Variants in GLIS3 observed in about 807,000 individuals in gnomAD.
GLIS3 encodes the protein zinc finger protein GLIS3.
A neutral mutation model predicts 78.6 loss-of-function variants in GLIS3; 53 were observed. The observed-to-expected ratio is 0.67, with a 90% confidence interval of 0.54 to 0.85. GLIS3 has a LOEUF of 0.85. Ranked by LOEUF, GLIS3 falls within the 40% of genes least tolerant of loss-of-function variation. GLIS3 has a pLI of 0.00. For synonymous variants in GLIS3, 684 were observed against 509.9 expected (o/e 1.34, Z -4.60); for missense variants, 1,703 against 1,231.1 (o/e 1.38, Z -5.74).
At chr9:4,234,910 G>C (rs1204782444) in intron 2 of GLIS3, among the ~76,000 whole-genome samples, 1 of 152,096 alleles carries the variant, frequency 6.6e-6, no homozygotes, top group Non-Finnish European at 1.5e-5. Context: ...CCCTAGAGTT[G>C]GAAGGACTCA....
At chr9:3,852,367 G>A (rs1206792835) in intron 9 of GLIS3, among the ~76,000 whole-genome samples, 1 of 152,136 alleles carries the variant, frequency 6.6e-6, no homozygotes, top group African/African-American at 2.4e-5. Context: ...CGAAGTTTTT[G>A]AAAGAGAGAA....
intron 3 of GLIS3, among the ~76,000 whole-genome samples, chr9:4,119,491 T>G (rs1397284817): frequency 6.6e-6 from 1 of 152,228 alleles, no homozygotes; most frequent in Non-Finnish European, 1.5e-5. Flanking sequence ...ACATTGCCAG[T>G]AATTAGTTAC....
At chr9:4,362,456 T>C in the GLIS3 span, among the ~76,000 whole-genome samples, 1 of 152,198 alleles carries the variant, frequency 6.6e-6, no homozygotes, top group Non-Finnish European at 1.5e-5. Context: ...CCCTTTGTAG[T>C]TGATGACCAC....
At chr9:4,255,382 A>G (rs184478999) in intron 2 of GLIS3, among the ~76,000 whole-genome samples, 149 of 152,254 alleles carry the variant, frequency 9.8e-4, no homozygotes, top group Non-Finnish European at 1.4e-3. Context: ...AGGAGTTGAA[A>G]ACTTAGGTCC....
At chr9:4,410,151 T>G in the GLIS3 span, among the ~76,000 whole-genome samples, 3 of 150,272 alleles carry the variant, frequency 2.0e-5, no homozygotes, top group African/African-American at 7.3e-5. Context: ...TTTTTTTTTT[T>G]TCTTAAGCAG....
At chr9:4,363,638 T>C in the GLIS3 span, among the ~76,000 whole-genome samples, 1 of 152,356 alleles carries the variant, frequency 6.6e-6, no homozygotes, top group Non-Finnish European at 1.5e-5. Context: ...TCTGTGTAGC[T>C]GGCATCCAGA....
chr9:4,149,320 A>C (rs1178787775), intron 2 of GLIS3, among the ~76,000 whole-genome samples: 1 of 152,214 alleles, frequency 6.6e-6, no homozygotes, highest in Non-Finnish European at 1.5e-5. Flanking sequence ...CTAAGGCTTG[A>C]AGACCATATT....
chr9:3,963,417 G>A (rs369605669), intron 4 of GLIS3, among the ~76,000 whole-genome samples: 36 of 152,204 alleles, frequency 2.4e-4, no homozygotes, highest in Admixed American at 1.8e-3. Context: ...GAGATGTGCC[G>A]CTTGTTCTCA....
intron 2 of GLIS3, among the ~76,000 whole-genome samples, chr9:4,206,431 A>T (rs1819886828): frequency 6.6e-6 from 1 of 152,240 alleles, no homozygotes; most frequent in Non-Finnish European, 1.5e-5. Context: ...TACTATTTCC[A>T]ACTGAAAGTC....
the GLIS3 span, among the ~76,000 whole-genome samples, chr9:4,445,759 G>A: frequency 6.6e-6 from 1 of 152,188 alleles, no homozygotes; most frequent in Non-Finnish European, 1.5e-5. Context: ...AACTTTCCAT[G>A]CAGATGTCCG....
chr9:3,865,080 A>G (rs1820482451), intron 8 of GLIS3, among the ~76,000 whole-genome samples: 1 of 152,188 alleles, frequency 6.6e-6, no homozygotes, highest in African/African-American at 2.4e-5. Context: ...TGTATTCAAG[A>G]GAATGAGCCT....
At chr9:3,886,343 CTTTA>C (rs1440542561) in intron 7 of GLIS3, among the ~76,000 whole-genome samples, 2 of 152,100 alleles carry the variant, frequency 1.3e-5, no homozygotes, top group Admixed American at 6.5e-5. Flanking sequence ...TTAAAATGTA[CTTTA>C]TTTTGCACGA....
At chr9:4,036,341 T>A (rs1245099155) in intron 4 of GLIS3, among the ~76,000 whole-genome samples, 2 of 152,206 alleles carry the variant, frequency 1.3e-5, no homozygotes, top group Non-Finnish European at 2.9e-5. Context: ...TTCTACTTTA[T>A]ACTTGTAGTT....
At chr9:3,896,657 C>A (rs1424809641) in intron 7 of GLIS3, among the ~76,000 whole-genome samples, 2 of 874 alleles carry the variant, frequency 2.3e-3, no homozygotes, top group Non-Finnish European at 6.0e-3. Context: ...CAGAGTGAGA[C>A]TCCCATCTCA....
intron 2 of GLIS3, among the ~76,000 whole-genome samples, chr9:4,332,501 C>G (rs1185776622): frequency 6.6e-6 from 1 of 152,224 alleles, no homozygotes; most frequent in African/African-American, 2.4e-5. Flanking sequence ...TTGTCTTCCT[C>G]TCTCCCGTCT....
At chr9:3,907,498 CT>C (rs796977486) in intron 6 of GLIS3, among the ~76,000 whole-genome samples, 82 of 152,212 alleles carry the variant, frequency 5.4e-4, no homozygotes, top group African/African-American at 1.9e-3. Flanking sequence ...CCCAGCGCCC[CT>C]CTGATCCCTT....
intron 2 of GLIS3, among the ~76,000 whole-genome samples, chr9:4,201,575 C>T (rs1486084344): frequency 1.3e-5 from 2 of 151,986 alleles, no homozygotes; most frequent in Non-Finnish European, 2.9e-5. Flanking sequence ...GAACAAAATC[C>T]GAGTCACAAT....
At chr9:4,281,244 C>G (rs1370962718) in intron 2 of GLIS3, among the ~76,000 whole-genome samples, 3 of 152,186 alleles carry the variant, frequency 2.0e-5, no homozygotes, top group African/African-American at 7.2e-5. Context: ...CGTTGATTTT[C>G]ACTTAGTATT....
At chr9:4,212,206 G>A (rs1416815535) in intron 2 of GLIS3, among the ~76,000 whole-genome samples, 1 of 152,130 alleles carries the variant, frequency 6.6e-6, no homozygotes. Flanking sequence ...AATAACAAGG[G>A]TCATTGATCT....
Sources: gnomAD v4.1 joint callset for allele counts (sites outside exome capture counted in the v4.1 genomes callset) on GRCh38, gnomAD v4.1.1 for gene constraint, MANE v1.5 for transcripts, NCBI Gene and HGNC (gene_info 2026-07-23, HGNC 2026-07-21) for gene names.